Variants in PMFBP1 observed in about 807,000 individuals in gnomAD.
The protein encoded by PMFBP1 is polyamine modulated factor 1 binding protein 1.
In PMFBP1, 131 loss-of-function variants were observed where a neutral mutation model predicts 137.8. That is an observed-to-expected ratio of 0.95 (90% CI 0.82 to 1.10). The LOEUF (loss-of-function observed/expected upper bound fraction) is 1.10, where lower values mean the gene tolerates loss of function less well. Ranked by LOEUF, PMFBP1 falls within the 50% of genes least tolerant of loss-of-function variation. The pLI, the probability that PMFBP1 is intolerant of heterozygous loss-of-function variation, is 0.00. For missense variants in PMFBP1, 1,199 were observed against 1,175.4 expected (o/e 1.02, Z -0.29); for synonymous variants, 490 against 450.4 (o/e 1.09, Z -1.11).
At chr16:72,148,198 G>A (rs986017542) in intron 5 of PMFBP1, among the ~76,000 whole-genome samples, 2 of 152,106 alleles carry the variant, frequency 1.3e-5, no homozygotes, top group Non-Finnish European at 2.9e-5. Flanking sequence ...CCATAAAAAA[G>A]GATGAGTTCA....
chr16:72,140,476 T>A lies in PMFBP1; in HGVS notation c.743A>T (p.Lys248Met). 1 of 1,613,804 alleles carries A rather than the reference T, an allele frequency of 6.2e-7. No homozygotes were observed. The highest frequency in any genetic ancestry group is 8.5e-7 in the Non-Finnish European group (1 of 1,179,706). The change falls in exon 6 of 21, where the codon AAG becomes ATG. Residue 248 changes from lysine to methionine, a missense_variant. Lys to Met is a moderately conservative substitution (Grantham distance 95, BLOSUM62 -1). Transcript: ENST00000237353. ...TQKRLSEVWQ[K>M]VSQQDDLIQE... ...AATGAGATCATCCTGTTGAGAGACC[T>A]TTTGCCAGACTTCAGACAGTCGTTT...
the PMFBP1 span, among the ~76,000 whole-genome samples, chr16:72,223,318 ATTG>A: frequency 2.6e-5 from 4 of 152,180 alleles, no homozygotes; most frequent in Non-Finnish European, 4.4e-5. Context: ...CAGTGAGTGG[ATTG>A]CATTTTATTT....
At chr16:72,240,060 G>T in the PMFBP1 span, among the ~76,000 whole-genome samples, 1 of 152,120 alleles carries the variant, frequency 6.6e-6, no homozygotes, top group African/African-American at 2.4e-5. Context: ...TAATAAAAAT[G>T]CACAGAACAT....
At chr16:72,170,646 G>A (rs1229797751) in intron 2 of PMFBP1, among the ~76,000 whole-genome samples, 2 of 151,980 alleles carry the variant, frequency 1.3e-5, no homozygotes. Context: ...TGCCCAGGCT[G>A]GTCTTAAACT....
chr16:72,209,881 T>G, the PMFBP1 span, among the ~76,000 whole-genome samples: 1 of 152,220 alleles, frequency 6.6e-6, no homozygotes. Context: ...TTCCCTGTTC[T>G]TACCCTGCTT....
At chr16:72,223,637 C>T in the PMFBP1 span, among the ~76,000 whole-genome samples, 1 of 152,290 alleles carries the variant, frequency 6.6e-6, no homozygotes, top group East Asian at 1.9e-4. Flanking sequence ...AGGTCACCTG[C>T]CCAAATCATA....
At chr16:72,242,767 T>C in the PMFBP1 span, among the ~76,000 whole-genome samples, 3 of 152,256 alleles carry the variant, frequency 2.0e-5, no homozygotes, top group South Asian at 2.1e-4. Flanking sequence ...AGGGCTATTA[T>C]TGAGAAATAC....
At chr16:72,122,212 C>T (rs2042386534) in intron 19 of PMFBP1, among the ~76,000 whole-genome samples, 1 of 152,184 alleles carries the variant, frequency 6.6e-6, no homozygotes, top group Non-Finnish European at 1.5e-5. Flanking sequence ...TCCATATTCC[C>T]ACAAAGAAAT....
intron 3 of PMFBP1, 43 bp downstream of exon 3, chr16:72,164,721 A>T: frequency 6.4e-7 from 1 of 1,551,572 alleles, no homozygotes; most frequent in Non-Finnish European, 8.7e-7. Flanking sequence ...CAGAGGCAGA[A>T]GTCAAGAGAG....
chr16:72,240,856 A>G, the PMFBP1 span, among the ~76,000 whole-genome samples: 2 of 152,142 alleles, frequency 1.3e-5, no homozygotes, highest in Non-Finnish European at 2.9e-5. Flanking sequence ...CAGTAGTAAC[A>G]CAGTAACTCT....
intron 14 of PMFBP1, 49 bp from the exon 15 acceptor site, chr16:72,126,181 G>C (rs781160653): frequency 7.5e-6 from 12 of 1,594,030 alleles, no homozygotes; most frequent in Non-Finnish European, 1.0e-5. Flanking sequence ...CAGGGTCATA[G>C]AGGCATTCTC....
chr16:72,141,377 T>C (rs2042720084), intron 5 of PMFBP1, among the ~76,000 whole-genome samples: 1 of 152,268 alleles, frequency 6.6e-6, no homozygotes, highest in Admixed American at 6.5e-5. Context: ...TAATTATATT[T>C]ATATTGTCTC....
chr16:72,153,290 A>T (rs2042930685), intron 4 of PMFBP1, among the ~76,000 whole-genome samples: 2 of 152,172 alleles, frequency 1.3e-5, no homozygotes, highest in Non-Finnish European at 2.9e-5. Context: ...ACTAGGTGAC[A>T]ATATTCCCTT....
At position 72,123,030 on chromosome 16, in the gene PMFBP1, C is replaced by A. The variant is rs186642487; in HGVS notation, c.2694-42G>T. The A allele has an allele frequency of 1.4e-5, 22 of 1,571,964 alleles. No individual in the cohort carries two copies. The East Asian group carries it at 4.9e-4, about 35-fold the overall frequency. On this transcript the variant is annotated intron_variant, in intron 18 of 20. Coordinates refer to ENST00000237353, the MANE Select transcript of PMFBP1 (RefSeq NM_031293.3). ...GGAGAAAACAGCAGCCAGTCGCCAGCCTCCCGCGAGCAAGGGTGCAGCTGG... is the reference window on the plus strand; with the variant it reads ...GGAGAAAACAGCAGCCAGTCGCCAGACTCCCGCGAGCAAGGGTGCAGCTGG...
chr16:72,127,335 T>A (rs1054004453), intron 14 of PMFBP1, among the ~76,000 whole-genome samples: 2 of 152,184 alleles, frequency 1.3e-5, no homozygotes, highest in Admixed American at 6.6e-5. Context: ...TTCCTAAAGA[T>A]GAAATAATTT....
At chr16:72,142,857 TA>T (rs2042743990) in intron 5 of PMFBP1, among the ~76,000 whole-genome samples, 3 of 152,198 alleles carry the variant, frequency 2.0e-5, no homozygotes, top group Non-Finnish European at 4.4e-5. Flanking sequence ...CAGCTCATTA[TA>T]TTAGGATGGC....
chr16:72,130,091 G>C, intron 12 of PMFBP1, 122 bp downstream of exon 12: 1 of 1,332,560 alleles, frequency 7.5e-7, no homozygotes, highest in South Asian at 1.4e-5. Context: ...CTGGGCTCAA[G>C]TGATCTGCCT....
At chr16:72,221,203 G>C in the PMFBP1 span, among the ~76,000 whole-genome samples, 1 of 152,166 alleles carries the variant, frequency 6.6e-6, no homozygotes, top group East Asian at 1.9e-4. Flanking sequence ...GAAAGAAAGG[G>C]TGCATGATGA....
the PMFBP1 span, among the ~76,000 whole-genome samples, chr16:72,229,092 A>T: frequency 3.1e-3 from 472 of 152,242 alleles, 3 homozygotes; most frequent in African/African-American, 0.01. Flanking sequence ...CTTATAAGTG[A>T]GAACATGCAG....
Sources: allele counts gnomAD v4.1 joint callset (sites outside exome capture counted in the v4.1 genomes callset), GRCh38; gene constraint gnomAD v4.1.1; transcripts MANE v1.5; gene names NCBI Gene and HGNC (gene_info 2026-07-23, HGNC 2026-07-21).